Variants in NUB1 observed in about 807,000 individuals in gnomAD.
NUB1 encodes NEDD8 ultimate buster 1.
Under a neutral mutation model 77.1 loss-of-function variants are expected in NUB1, and 41 were observed. That is an observed-to-expected ratio of 0.53 (90% confidence interval 0.41 to 0.69). The LOEUF is 0.69. NUB1 is among the 30% of genes least tolerant of loss of function. The pLI is 0.00. For missense variants in NUB1, 643 were observed against 743.8 expected, an observed-to-expected ratio of 0.86 and a Z score of 1.58; for synonymous variants, 257 against 281.0, an observed-to-expected ratio of 0.91 and a Z score of 0.85.
chr7:151,377,051 C>A lies in NUB1; in HGVS notation c.1674C>A (p.Thr558=), dbSNP rs1798330645. 6.4e-7 allele frequency: 1 copy of A among 1,551,126 alleles called. No individual in the cohort carries two copies. The highest frequency in any genetic ancestry group is 8.7e-7 in the Non-Finnish European group (1 of 1,150,522). The change falls in exon 15 of 15, where the codon ACC becomes ACA. Residue 558 remains threonine (T), a synonymous_variant. Transcript: ENST00000568733. ...TCCTGCGGTATTTTATTGTAGGAAC[C>A]TCTAGTGCCTCAACAGACGAAGACA... is the stretch of plus-strand genomic sequence containing the variant. ...PATSPSDSAG[T]SSASTDEDME...
chr7:151,359,355 A>G (rs913723763), intron 7 of NUB1, among the ~76,000 whole-genome samples: 2 of 151,278 alleles, frequency 1.3e-5, no homozygotes, highest in African/African-American at 4.9e-5. Context: ...AGGCAGGAGA[A>G]TGGTGTGAAC....
At chr7:151,361,234 A>G (rs1797366954) in intron 8 of NUB1, 1 of 152,216 alleles carries the variant, frequency 6.6e-6, no homozygotes, top group Admixed American at 6.5e-5. Flanking sequence ...GAGTTGCTTC[A>G]CTATCACCCT....
At chr7:151,367,393 G>A (rs1797742505) in intron 9 of NUB1, among the ~76,000 whole-genome samples, 1 of 152,218 alleles carries the variant, frequency 6.6e-6, no homozygotes, top group South Asian at 2.1e-4. Context: ...CCAGGAGAGA[G>A]CTGCTGACTT....
At chr7:151,358,925 C>T (rs936492440) in intron 7 of NUB1, among the ~76,000 whole-genome samples, 4 of 151,152 alleles carry the variant, frequency 2.6e-5, no homozygotes, top group East Asian at 3.9e-4. Flanking sequence ...ATTAGCCAGG[C>T]GTGGTGGTGG....
chr7:151,365,514 C>T (rs971113645), intron 8 of NUB1, among the ~76,000 whole-genome samples: 3 of 152,176 alleles, frequency 2.0e-5, no homozygotes, highest in East Asian at 1.9e-4. Context: ...TGCTTTCCTG[C>T]GAGTGGCAGG....
chr7:151,342,749 C>A (rs1469995709), intron 1 of NUB1, among the ~76,000 whole-genome samples: 1 of 152,072 alleles, frequency 6.6e-6, no homozygotes, highest in African/African-American at 2.4e-5. Context: ...TTGTTTGCTC[C>A]CTGGAGTGTC....
At chr7:151,356,330 C>T in intron 7 of NUB1, 108 bp downstream of exon 7, 2 of 795,240 alleles carry the variant, frequency 2.5e-6, no homozygotes, top group Non-Finnish European at 4.3e-6. Flanking sequence ...GGAAACAGTG[C>T]TCCATCTCCA....
At chr7:151,366,075 T>C (rs746857650) in intron 8 of NUB1, among the ~76,000 whole-genome samples, 1 of 152,200 alleles carries the variant, frequency 6.6e-6, no homozygotes, top group Non-Finnish European at 1.5e-5. Context: ...GAGACCTAGA[T>C]TGGCATTAGG....
chr7:151,372,187 C>G (rs1797989540), intron 11 of NUB1, among the ~76,000 whole-genome samples: 1 of 152,218 alleles, frequency 6.6e-6, no homozygotes, highest in African/African-American at 2.4e-5. Context: ...TGTGACCATA[C>G]AGTGCCTCTC....
intron 8 of NUB1, among the ~76,000 whole-genome samples, chr7:151,363,935 A>G (rs1797508264): frequency 6.6e-6 from 1 of 151,708 alleles, no homozygotes; most frequent in Admixed American, 6.6e-5. Flanking sequence ...CTGGGATTAC[A>G]GGTGCCCACT....
intron 8 of NUB1, chr7:151,360,493 G>A (rs915396895): frequency 1.3e-5 from 5 of 382,634 alleles, no homozygotes; most frequent in African/African-American, 2.0e-5. Flanking sequence ...CATGTGCTAT[G>A]TTGCTAGTCG....
At chr7:151,352,247 C>T in intron 4 of NUB1, 1 of 447,780 alleles carries the variant, frequency 2.2e-6, no homozygotes, top group South Asian at 1.6e-5. Context: ...TCACATGGAT[C>T]TACAGCACTG....
chr7:151,350,017 C>T (rs1454196332), intron 3 of NUB1, among the ~76,000 whole-genome samples: 1 of 152,210 alleles, frequency 6.6e-6, no homozygotes, highest in African/African-American at 2.4e-5. Flanking sequence ...GATAAGGTCA[C>T]AGGAGTCATG....
intron 13 of NUB1, chr7:151,376,288 G>A (rs569896195): frequency 1.8e-4 from 84 of 468,362 alleles, no homozygotes; most frequent in Admixed American, 1.2e-3. Context: ...CCCAAGTGAC[G>A]GCTCTGTCCA....
At chr7:151,344,652 A>C (rs1796395237) in intron 1 of NUB1, among the ~76,000 whole-genome samples, 1 of 152,058 alleles carries the variant, frequency 6.6e-6, no homozygotes, top group Non-Finnish European at 1.5e-5. Flanking sequence ...CAGTTCAAGC[A>C]AGCTTTTCTT....
intron 13 of NUB1, 182 bp from the exon 14 acceptor site, chr7:151,376,452 C>A: frequency 1.6e-6 from 1 of 614,404 alleles, no homozygotes; most frequent in Non-Finnish European, 2.7e-6. Context: ...TTGAGTCTTC[C>A]AAGCCCCCTT....
At position 151,376,718 on chromosome 7, in the gene NUB1, C is replaced by A; in HGVS notation, c.1576C>A (p.Leu526Ile). 1 of 1,607,984 alleles carries A rather than the reference C, an allele frequency of 6.2e-7. No homozygotes were observed. The highest frequency in any genetic ancestry group is 8.5e-7 in the Non-Finnish European group (1 of 1,177,680). Residue 526 changes from leucine to isoleucine, a missense_variant, in exon 14 of 15, where the codon CTT becomes ATT. Coordinates refer to ENST00000568733, the MANE Select transcript of NUB1 (RefSeq NM_001243351.2). ...CAACGTCCAGCTGGCCGCCCAGACCCTTGCTCACAACGGAGGAAGCCTGCC... is the reference window on the plus strand; with the variant it reads ...CAACGTCCAGCTGGCCGCCCAGACCATTGCTCACAACGGAGGAAGCCTGCC... ...RGNVQLAAQT[L>I]AHNGGSLPPE...
intron 8 of NUB1, among the ~76,000 whole-genome samples, chr7:151,365,792 T>C (rs1422339043): frequency 6.6e-6 from 1 of 152,224 alleles, no homozygotes; most frequent in African/African-American, 2.4e-5. Flanking sequence ...AAAATACTGC[T>C]GTGATACATT....
At chr7:151,370,935 C>T (rs546521070) in intron 11 of NUB1, among the ~76,000 whole-genome samples, 1 of 152,126 alleles carries the variant, frequency 6.6e-6, no homozygotes, top group Non-Finnish European at 1.5e-5. Context: ...AACATTGTCA[C>T]ACTCATGTCA....
Sources: gnomAD v4.1 joint callset for allele counts (sites outside exome capture counted in the v4.1 genomes callset) on GRCh38, gnomAD v4.1.1 for gene constraint, MANE v1.5 for transcripts, NCBI Gene and HGNC (gene_info 2026-07-23, HGNC 2026-07-21) for gene names.